NR2C1: variants seen among roughly 807,000 people sequenced by gnomAD.
NR2C1 encodes the protein nuclear receptor subfamily 2 group C member 1.
NR2C1 carries 33 observed loss-of-function variants against 74.8 expected under a neutral mutation model. The ratio of observed to expected loss-of-function variants is 0.44; its 90% CI spans 0.33 to 0.59. The LOEUF is 0.59. Among genes scored for constraint, NR2C1 ranks in the 20% least tolerant of loss-of-function variants. NR2C1 has a pLI of 0.02. For synonymous variants in NR2C1, 225 were observed against 240.6 expected, an observed-to-expected ratio of 0.94 and a Z score of 0.60; for missense variants, 568 against 715.6, an observed-to-expected ratio of 0.79 and a Z score of 2.35.
rs143377803 is a variant in NR2C1, at chr12:95,051,995, C to T, written c.784-52G>A. The T allele has an allele frequency of 2.2e-4, 265 of 1,212,294 alleles. 1 individual carries two copies. The African/African-American group carries it at 2.6e-3, about 12-fold the overall frequency. The allele number at this position is 1,212,294 out of a possible 1,614,324, so 75.1% of individuals were successfully genotyped here. The stretch of plus-strand genomic sequence containing the variant: ...TGTGAATTGGTATCACTATTTTTTT[C>T]AATCTGAAATATCCAATTATAGATT... On this transcript the variant is annotated intron_variant, in intron 7 of 13. Transcript: ENST00000333003.
At position 95,031,590 on chromosome 12, in the gene NR2C1, T is replaced by C. The variant is rs543621679; in HGVS notation, c.1254-102A>G. Reference sequence around the variant, plus strand: ...ACTTAAAAACAGCATATTACTAAACTAAAATTATTCTAGAAAGATTTGAGC... The same window carrying C: ...ACTTAAAAACAGCATATTACTAAACCAAAATTATTCTAGAAAGATTTGAGC... On this transcript the variant is annotated intron_variant, in intron 10 of 13. Transcript: ENST00000333003. 3.0e-5 allele frequency: 24 copies of C among 802,654 alleles called. No homozygotes were observed. In the African/African-American group the frequency reaches 3.8e-4, roughly 13 times the overall value. The allele number at this position is 802,654 out of a possible 1,614,324, so 49.7% of individuals were successfully genotyped here.
intron 1 of NR2C1, among the ~76,000 whole-genome samples, chr12:95,071,567 G>C (rs796407323): frequency 3.6e-4 from 55 of 152,054 alleles, no homozygotes; most frequent in African/African-American, 1.2e-3. Flanking sequence ...CTTAAGATGC[G>C]GTGCCTGTAA....
At chr12:95,039,665 C>T (rs543731372) in intron 10 of NR2C1, among the ~76,000 whole-genome samples, 58 of 152,192 alleles carry the variant, frequency 3.8e-4, no homozygotes, top group Non-Finnish European at 6.5e-4. Flanking sequence ...GGTCTAGCTC[C>T]GTCCCAGGCC....
chr12:95,057,503 C>A, intron 7 of NR2C1, 50 bp downstream of exon 7: 3 of 1,347,976 alleles, frequency 2.2e-6, no homozygotes, highest in South Asian at 2.7e-5. Flanking sequence ...GATTAGAAAA[C>A]ATTTTAAAAT....
intron 10 of NR2C1, among the ~76,000 whole-genome samples, chr12:95,032,221 A>T (rs1870215328): frequency 6.6e-6 from 1 of 152,230 alleles, no homozygotes; most frequent in South Asian, 2.1e-4. Context: ...AAAATGGTTC[A>T]TTGTATGTTT....
rs36124945 is a variant in NR2C1, at chr12:95,064,025, CA to C, written c.55-1288del. ...GCCTGGGCGACAGAGGACTCTGCCT[CA>C]AAAAAAAAAAAAAAAAAAAGGGGAT... On this transcript the variant is annotated intron_variant, in intron 2 of 13. Coordinates refer to ENST00000333003, the MANE Select transcript of NR2C1 (RefSeq NM_003297.4). Among the ~76,000 whole-genome samples the C allele has an allele frequency of 7.2e-3, 497 of 69,482 alleles. 3 individuals are homozygous for C. Among genetic ancestry groups the C allele is most frequent in the African/African-American group, 0.023 (378 of 16,222 alleles). The allele number at this position is 69,482 out of a possible 152,430, so 45.6% of individuals were successfully genotyped here. A position where few individuals can be genotyped will look rare whatever the true frequency, so the allele number is the denominator to read the frequency against.
intron 1 of NR2C1, among the ~76,000 whole-genome samples, chr12:95,071,286 G>A (rs1209838700): frequency 1.3e-5 from 2 of 152,050 alleles, no homozygotes; most frequent in Non-Finnish European, 2.9e-5. Context: ...GTAGACTAAG[G>A]TTGTTAGCTA....
chr12:95,045,191 T>C (rs190888149), intron 9 of NR2C1, among the ~76,000 whole-genome samples: 220 of 152,320 alleles, frequency 1.4e-3, no homozygotes, highest in Non-Finnish European at 2.4e-3. Context: ...GTAAGTGCTA[T>C]TGTCTCAGTG....
At chr12:95,036,166 A>G (rs75690168) in intron 10 of NR2C1, among the ~76,000 whole-genome samples, 1 of 150,842 alleles carries the variant, frequency 6.6e-6, no homozygotes, top group East Asian at 2.0e-4. Flanking sequence ...ATAAATGACT[A>G]TTGTAGTTTA....
chr12:95,062,408 T>C, intron 3 of NR2C1, 100 bp downstream of exon 3: 1 of 753,510 alleles, frequency 1.3e-6, no homozygotes, highest in South Asian at 1.9e-5. Flanking sequence ...ATTTTTTTCC[T>C]ACTGAATATA....
Position 95,022,012 on chromosome 12 carries a change from T to C in NR2C1, c.*217A>G. 2.5e-6 allele frequency: 1 copy of C among 397,112 alleles called. No individual in the cohort carries two copies. Among genetic ancestry groups the C allele is most frequent in the South Asian group, 5.4e-5 (1 of 18,368 alleles). The allele number at this position is 397,112 out of a possible 1,614,324, so 24.6% of individuals were successfully genotyped here. The stretch of plus-strand genomic sequence containing the variant: ...CCAAGAATAAATTTGTAGTGTTTCA[T>C]ATTCATTTAAAGGAATCAGGAAGAA... On this transcript the variant is annotated 3_prime_UTR_variant, in exon 14 of 14. Coordinates refer to ENST00000333003, the MANE Select transcript of NR2C1 (RefSeq NM_003297.4).
rs550008298 is a variant in NR2C1 at position 95,048,658 on chromosome 12, CTT to C, written c.1131+408_1131+409del. Among the ~76,000 whole-genome samples the C allele has an allele frequency of 2.0e-4, 26 of 129,392 alleles. No individual in the cohort carries two copies. The South Asian group carries it at 6.6e-3, about 33-fold the overall frequency. The allele number at this position is 129,392 out of a possible 152,430, so 84.9% of individuals were successfully genotyped here. A position where few individuals can be genotyped will look rare whatever the true frequency, so the allele number is the denominator to read the frequency against. ...TTTTTTTTTGAGACAGAGTTTTGCTCTTGTTGCCCAGGCTGGAGTGCAATGGC... is the reference window on the plus strand; with the variant it reads ...TTTTTTTTTGAGACAGAGTTTTGCTCGTTGCCCAGGCTGGAGTGCAATGGC... On this transcript the variant is annotated intron_variant, in intron 9 of 13. Coordinates refer to ENST00000333003, the MANE Select transcript of NR2C1 (RefSeq NM_003297.4).
intron 11 of NR2C1, 37 bp from the exon 12 acceptor site, chr12:95,028,561 T>G: frequency 7.4e-7 from 1 of 1,355,642 alleles, no homozygotes; most frequent in Non-Finnish European, 1.0e-6. Flanking sequence ...CTAGTGTTTG[T>G]CTAAAATGAA....
At chr12:95,059,685 G>A (rs748241202) in intron 4 of NR2C1, among the ~76,000 whole-genome samples, 10 of 152,058 alleles carry the variant, frequency 6.6e-5, no homozygotes, top group Non-Finnish European at 1.3e-4. Flanking sequence ...CATTCCAGCC[G>A]GAGCAACAGT....
chr12:95,036,368 T>C (rs112620217), intron 10 of NR2C1, among the ~76,000 whole-genome samples: 14 of 149,144 alleles, frequency 9.4e-5, no homozygotes, highest in African/African-American at 3.2e-4. Flanking sequence ...AGGCAAGGAG[T>C]TCAAGATCAG....
chr12:95,031,753 A>G (rs1870138671), intron 10 of NR2C1, among the ~76,000 whole-genome samples: 1 of 152,248 alleles, frequency 6.6e-6, no homozygotes, highest in Non-Finnish European at 1.5e-5. Context: ...TTGGGGCTTT[A>G]ACTTCACATT....
intron 7 of NR2C1, among the ~76,000 whole-genome samples, chr12:95,053,704 AG>A: frequency 2.0e-5 from 1 of 49,188 alleles, no homozygotes; most frequent in South Asian, 5.9e-4. Context: ...TTTTTTTTTG[AG>A]ACAGAGTCTT....
intron 1 of NR2C1, among the ~76,000 whole-genome samples, chr12:95,072,462 A>AG: frequency 6.6e-6 from 1 of 150,522 alleles, no homozygotes. Flanking sequence ...TCTCAAAAAA[A>AG]AAAAAAAAAA....
At position 95,028,470 on chromosome 12, in the gene NR2C1, T is replaced by C; in HGVS notation, c.1448A>G (p.Gln483Arg). 6.3e-7 allele frequency: 1 copy of C among 1,592,684 alleles called. No individual in the cohort carries two copies. Among genetic ancestry groups the C allele is most frequent in the Non-Finnish European group, 8.6e-7 (1 of 1,164,572 alleles). The change falls in exon 12 of 14, where the codon CAG (glutamine) becomes CGG (arginine). Residue 483 changes from glutamine (Q) to arginine (R), a missense_variant. Physicochemically the swap from Gln to Arg is conservative, Grantham distance 43 (BLOSUM62 1). This residue lies in a region of NR2C1 where 117 missense variants were observed against 186.7 expected (regional missense o/e 0.63). Transcript: ENST00000333003. Reference protein sequence around the residue: ...KLLMEHIFKLQEFCNSMVKLC... With the variant: ...KLLMEHIFKLREFCNSMVKLC... ...TTTAACCATGCTGTTACAAAACTCC[T>C]GTAGTTTGAAGATGTGCTCCATCAA...
Sources: gnomAD v4.1 joint callset for allele counts (sites outside exome capture counted in the v4.1 genomes callset) on GRCh38, gnomAD v4.1.1 for gene constraint, gnomAD v4.1.1 regional missense constraint, MANE v1.5 for transcripts, NCBI Gene and HGNC (gene_info 2026-07-23, HGNC 2026-07-21) for gene names.